PDCD11: variants seen among roughly 807,000 people sequenced by gnomAD.
The protein encoded by PDCD11 is protein RRP5 homolog.
PDCD11 carries 97 observed loss-of-function variants against 198.9 expected under a neutral mutation model. The observed-to-expected ratio is 0.49, with a 90% CI of 0.41 to 0.58. PDCD11 has a LOEUF of 0.58. Ranked by LOEUF, PDCD11 falls within the 20% of genes least tolerant of loss-of-function variation. PDCD11 has a pLI of 0.00. For synonymous variants in PDCD11, 893 were observed against 918.0 expected (o/e 0.97, Z 0.49); for missense variants, 2,102 against 2,312.7 (o/e 0.91, Z 1.87).
rs2032421218 is a variant in PDCD11 at position 103,442,337 on chromosome 10, T to C, written c.4832T>C (p.Leu1611Pro). ...GAGTCCGCGGATGATTTTGACCGAC[T>C]GGTGCTGAGCTCCCCCAACAGCTCC... ...QPESADDFDRLVLSSPNSSIL... is the reference protein window; with the variant it reads ...QPESADDFDRPVLSSPNSSIL... Residue 1611 changes from leucine (L) to proline (P), a missense_variant, in exon 32 of 36, where the codon CTG becomes CCG. Coordinates refer to ENST00000369797, the MANE Select transcript of PDCD11 (RefSeq NM_014976.2). 3 of 1,614,248 alleles carry C rather than the reference T, an allele frequency of 1.9e-6. No individual in the cohort carries two copies. Among genetic ancestry groups the C allele is most frequent in the Non-Finnish European group, 2.5e-6 (3 of 1,180,046 alleles).
In PDCD11 at chr10:103,442,486, A is replaced by C. The variant is rs761161982; in HGVS notation, c.4955+26A>C. The stretch of plus-strand genomic sequence containing the variant: ...GTCTCAGCTTTGCCCCAGGGAGCAC[A>C]GTGTCTTCGCACGTTCTGGGCTGGG... On this transcript the variant is annotated intron_variant, in intron 32 of 35. Coordinates refer to ENST00000369797, the MANE Select transcript of PDCD11 (RefSeq NM_014976.2). 5 of 1,606,264 alleles carry C rather than the reference A, an allele frequency of 3.1e-6. No homozygotes were observed. In the East Asian group the frequency reaches 1.1e-4, roughly 36 times the overall value.
chr10:103,434,387 A>AGCGGCAGGAAGGGGT (rs1169457342), intron 24 of PDCD11, 37 bp downstream of exon 24: 1 of 1,321,360 alleles, frequency 7.6e-7, no homozygotes. Context: ...GGGGAAGGGG[A>AGCGGCAGGAAGGGGT]GCGGCAGGAA....
At chr10:103,409,184 T>C in intron 7 of PDCD11, among the ~76,000 whole-genome samples, 1 of 152,102 alleles carries the variant, frequency 6.6e-6, no homozygotes, top group Non-Finnish European at 1.5e-5. Context: ...AAGAGAGAGG[T>C]CTTAGTTCTC....
intron 13 of PDCD11, among the ~76,000 whole-genome samples, chr10:103,417,505 T>G (rs548837692): frequency 2.6e-5 from 4 of 152,346 alleles, no homozygotes; most frequent in African/African-American, 9.6e-5. Flanking sequence ...GCTTACAATG[T>G]GTAACGATCA....
Position 103,443,269 on chromosome 10 carries a change from A to C in PDCD11, c.5060A>C (p.Tyr1687Ser), listed in dbSNP as rs2032466838. The C allele has an allele frequency of 6.2e-7, 1 of 1,613,012 alleles. No individual in the cohort carries two copies. The highest frequency in any genetic ancestry group is 1.3e-5 in the African/African-American group (1 of 74,912). The stretch of plus-strand genomic sequence containing the variant: ...AAGGTCTTTGAGCGAGCCGTGCAGT[A>C]CAACGAGCCTCTCAAAGTCTTTCTC... ...LTKVFERAVQ[Y>S]NEPLKVFLHL... The change falls in exon 33 of 36, where the codon TAC becomes TCC. Residue 1687 changes from tyrosine to serine, a missense_variant. Physicochemically the swap from Tyr to Ser is moderately radical, Grantham distance 144 (BLOSUM62 -2). Transcript: ENST00000369797.
At position 103,423,515 on chromosome 10, in the gene PDCD11, A is replaced by G. The variant is rs766180278; in HGVS notation, c.2648-28A>G. 13 of 1,498,982 alleles carry G rather than the reference A, an allele frequency of 8.7e-6. No homozygotes were observed. The South Asian group carries it at 1.2e-4, about 14-fold the overall frequency. 92.9% of individuals were successfully genotyped at this position (1,498,982 alleles called of 1,614,324 possible). ...TCTCCCTTCACTCTGTTCCAGAAGG[A>G]TAATCACACTGTGGTTCTGCACTGC... On this transcript the variant is annotated intron_variant, in intron 18 of 35. Coordinates refer to ENST00000369797, the MANE Select transcript of PDCD11 (RefSeq NM_014976.2).
At chr10:103,419,044 T>G (rs2031279026) in intron 15 of PDCD11, among the ~76,000 whole-genome samples, 1 of 151,926 alleles carries the variant, frequency 6.6e-6, no homozygotes, top group African/African-American at 2.4e-5. Context: ...AATATTCCCT[T>G]TGGTCTTTGC....
At position 103,433,933 on chromosome 10, in the gene PDCD11, C is replaced by A; in HGVS notation, c.3475-15C>A. 6.2e-7 allele frequency: 1 copy of A among 1,603,540 alleles called. No individual in the cohort carries two copies. Among genetic ancestry groups the A allele is most frequent in the South Asian group, 1.1e-5 (1 of 90,774 alleles). ...ATTTGTATTTGCCCTACTCTGGTTC[C>A]TTTTTTTCCCTCAGTACAATGTGGT... On this transcript the variant is annotated splice_polypyrimidine_tract_variant and intron_variant, in intron 22 of 35. Transcript: ENST00000369797.
chr10:103,400,657 G>C (rs369537801), intron 3 of PDCD11, 129 bp downstream of exon 3: 9 of 903,252 alleles, frequency 1.0e-5, no homozygotes, highest in African/African-American at 1.7e-5. Context: ...TATTTCATGC[G>C]TGTGTGTGTA....
At chr10:103,439,920 C>A (rs1268366726) in intron 28 of PDCD11, 52 bp downstream of exon 28, 2 of 1,607,204 alleles carry the variant, frequency 1.2e-6, no homozygotes, top group East Asian at 2.2e-5. Flanking sequence ...AAACCCCTTT[C>A]TCCAGGAGCC....
intron 16 of PDCD11, 111 bp from the exon 17 acceptor site, chr10:103,421,237 C>T (rs1327567299): frequency 5.1e-6 from 4 of 778,340 alleles, no homozygotes; most frequent in Admixed American, 2.1e-5. Context: ...CTTGGGGGAG[C>T]TTCCTAGGCC....
intron 2 of PDCD11, among the ~76,000 whole-genome samples, chr10:103,398,825 C>T (rs937153881): frequency 1.3e-5 from 2 of 152,128 alleles, no homozygotes; most frequent in African/African-American, 4.8e-5. Flanking sequence ...TCAAGAGCAG[C>T]CTGGCCAACA....
chr10:103,399,610 G>A (rs573436302), intron 2 of PDCD11: 2 of 152,292 alleles, frequency 1.3e-5, no homozygotes, highest in African/African-American at 4.8e-5. Context: ...CCAAATGCTT[G>A]GGGAAAGGGA....
intron 1 of PDCD11, among the ~76,000 whole-genome samples, chr10:103,397,680 C>T (rs749036008): frequency 2.0e-5 from 3 of 152,238 alleles, no homozygotes; most frequent in Non-Finnish European, 4.4e-5. Context: ...ATGATCCACG[C>T]GCCTCGGGCT....
chr10:103,405,867 T>C, intron 5 of PDCD11, 118 bp from the exon 6 acceptor site: 2 of 1,079,578 alleles, frequency 1.9e-6, no homozygotes, highest in Non-Finnish European at 2.7e-6. Context: ...AGGTTTAATG[T>C]GGGAGTGGGA....
At chr10:103,424,877 C>T in intron 19 of PDCD11, 107 bp from the exon 20 acceptor site, 1 of 1,311,200 alleles carries the variant, frequency 7.6e-7, no homozygotes, top group Non-Finnish European at 1.1e-6. Context: ...GTTCCCTAGC[C>T]TTGGGACCCC....
At chr10:103,401,232 ATTTTTAT>A (rs1014651053) in intron 3 of PDCD11, among the ~76,000 whole-genome samples, 9 of 151,848 alleles carry the variant, frequency 5.9e-5, no homozygotes, top group African/African-American at 2.2e-4. Flanking sequence ...TGTTCCTTAC[ATTTTTAT>A]TTTTTATTTT....
At chr10:103,419,270 G>A (rs938515406) in intron 15 of PDCD11, among the ~76,000 whole-genome samples, 8 of 152,094 alleles carry the variant, frequency 5.3e-5, no homozygotes, top group Non-Finnish European at 1.0e-4. Flanking sequence ...GAATAAAACC[G>A]TGATTCTCAG....
chr10:103,441,604 A>G (rs1472309628), intron 30 of PDCD11, among the ~76,000 whole-genome samples: 1 of 152,120 alleles, frequency 6.6e-6, no homozygotes, highest in Admixed American at 6.5e-5. Flanking sequence ...TGTGTGTGAA[A>G]ATTTTGTTAT....
Sources: allele counts gnomAD v4.1 joint callset (sites outside exome capture counted in the v4.1 genomes callset), GRCh38; gene constraint gnomAD v4.1.1; transcripts MANE v1.5; gene names NCBI Gene and HGNC (gene_info 2026-07-23, HGNC 2026-07-21).